GPM6B: variants seen among roughly 807,000 people sequenced by gnomAD.
The protein encoded by GPM6B is neuronal membrane glycoprotein M6-b.
GPM6B carries 4 observed loss-of-function variants against 27.2 expected under a neutral mutation model. The observed-to-expected ratio is 0.15, with a 90% CI of 0.07 to 0.34. The LOEUF (loss-of-function observed/expected upper bound fraction) is 0.34. Ranked by LOEUF, GPM6B falls within the 10% of genes least tolerant of loss-of-function variation. The pLI, the probability that GPM6B is intolerant of heterozygous loss-of-function variation, is 1.00. For synonymous variants in GPM6B, 124 were observed against 103.1 expected (o/e 1.20, Z -1.23); for missense variants, 183 against 261.9 (o/e 0.70, Z 2.08).
chrX:13,847,229 A>T (rs1349002451), intron 1 of GPM6B, among the ~76,000 whole-genome samples: 1 of 111,870 alleles, frequency 8.9e-6, no homozygotes, highest in Non-Finnish European at 1.9e-5. Flanking sequence ...CTGAACAGGA[A>T]AATTTGGCAG....
At chrX:13,779,401 A>T (rs1379519245) in intron 5 of GPM6B, among the ~76,000 whole-genome samples, 2 of 112,585 alleles carry the variant, frequency 1.8e-5, no homozygotes, top group East Asian at 5.5e-4. Context: ...ACCAGATTTG[A>T]GGAGTTGGAT....
chrX:13,936,226 T>G (rs1274891082), intron 1 of GPM6B, among the ~76,000 whole-genome samples: 2 of 112,299 alleles, frequency 1.8e-5, no homozygotes, highest in Non-Finnish European at 3.8e-5. Flanking sequence ...AAAACTGGCT[T>G]AACAATGAAA....
chrX:13,788,506 T>C (rs1393404542), intron 2 of GPM6B, among the ~76,000 whole-genome samples: 2 of 108,868 alleles, frequency 1.8e-5, no homozygotes. Flanking sequence ...GACACTGATA[T>C]ATAACCAGAT....
At chrX:13,776,091 T>C in intron 7 of GPM6B, 147 bp downstream of exon 7, 1 of 499,624 alleles carries the variant, frequency 2.0e-6, no homozygotes, top group Non-Finnish European at 3.6e-6. Flanking sequence ...AAACTACATG[T>C]GGTAAGTTAA....
intron 7 of GPM6B, 184 bp downstream of exon 7, chrX:13,776,054 C>G: frequency 4.5e-6 from 2 of 449,186 alleles, no homozygotes; most frequent in South Asian, 7.4e-5. Flanking sequence ...ACAATCAGTG[C>G]CAAGGCAACC....
At chrX:13,783,588 G>A (rs746184356) in intron 3 of GPM6B, 67 bp from the exon 4 acceptor site, 4 of 902,929 alleles carry the variant, frequency 4.4e-6, no homozygotes, top group South Asian at 2.4e-5. Context: ...GTTTCTGGAC[G>A]CTGGAGAGAG....
chrX:13,803,770 C>T (rs1039194653), intron 2 of GPM6B, among the ~76,000 whole-genome samples: 8 of 111,557 alleles, frequency 7.2e-5, no homozygotes, highest in African/African-American at 2.3e-4. Context: ...CACAAAGAAA[C>T]AAACCTTTCT....
chrX:13,876,074 C>T (rs1394143741), intron 1 of GPM6B, among the ~76,000 whole-genome samples: 1 of 112,081 alleles, frequency 8.9e-6, no homozygotes, highest in South Asian at 3.7e-4. Context: ...ACAAGAACAA[C>T]GATGAAAAAG....
At chrX:13,931,353 T>C (rs954526029) in intron 1 of GPM6B, among the ~76,000 whole-genome samples, 5 of 109,025 alleles carry the variant, frequency 4.6e-5, no homozygotes, top group African/African-American at 1.7e-4. Flanking sequence ...CCGGGCATGG[T>C]GGTGGGCGCC....
intron 1 of GPM6B, among the ~76,000 whole-genome samples, chrX:13,917,554 C>A (rs1249779326): frequency 8.9e-6 from 1 of 112,023 alleles, no homozygotes; most frequent in Admixed American, 9.5e-5. Flanking sequence ...GTCTCCTTGA[C>A]CCTAAAGATA....
At chrX:13,931,045 A>G (rs1324580457) in intron 1 of GPM6B, among the ~76,000 whole-genome samples, 1 of 111,278 alleles carries the variant, frequency 9.0e-6, no homozygotes, top group Non-Finnish European at 1.9e-5. Flanking sequence ...TTAGCCAGGC[A>G]TGGTGGTGCA....
intron 1 of GPM6B, among the ~76,000 whole-genome samples, chrX:13,906,483 A>AT (rs746863244): frequency 9.0e-6 from 1 of 111,651 alleles, no homozygotes; most frequent in South Asian, 3.7e-4. Flanking sequence ...GATTTGATAC[A>AT]TTTTTTCTTT....
chrX:13,840,502 T>TA (rs1349129772), intron 1 of GPM6B, among the ~76,000 whole-genome samples: 2 of 111,689 alleles, frequency 1.8e-5, no homozygotes, highest in Non-Finnish European at 3.8e-5. Flanking sequence ...AATATATTTT[T>TA]AAAAATACTG....
chrX:13,909,842 A>C (rs12012688), intron 1 of GPM6B, among the ~76,000 whole-genome samples: 15,336 of 111,204 alleles, frequency 0.14, 817 homozygotes, highest in Admixed American at 0.19. Context: ...CAGTCAACCA[A>C]AACTTCCATG....
intron 1 of GPM6B, among the ~76,000 whole-genome samples, chrX:13,865,201 C>T (rs567203535): frequency 3.6e-5 from 4 of 110,414 alleles, no homozygotes; most frequent in African/African-American, 1.3e-4. Flanking sequence ...TGAACAGGCT[C>T]CACAACTTGG....
chrX:13,821,131 C>G (rs367979861), upstream of GPM6B, among the ~76,000 whole-genome samples: 1 of 111,223 alleles, frequency 9.0e-6, no homozygotes, highest in African/African-American at 3.3e-5. Context: ...AGGAGTTTTA[C>G]CACCAAATAG....
intron 1 of GPM6B, among the ~76,000 whole-genome samples, chrX:13,865,542 CA>C (rs1171503867): frequency 1.6e-3 from 23 of 14,623 alleles, no homozygotes; most frequent in Admixed American, 4.4e-3. Flanking sequence ...TCCATCTCTT[CA>C]AAAAAAAAAA....
chrX:13,775,913 C>T (rs767169969), intron 7 of GPM6B, among the ~76,000 whole-genome samples: 1 of 112,509 alleles, frequency 8.9e-6, no homozygotes, highest in African/African-American at 3.2e-5. Context: ...GGTAATGCCT[C>T]ACGTGAGCAT....
chrX:13,853,328 GCA>G (rs1294324144), intron 1 of GPM6B, among the ~76,000 whole-genome samples: 1 of 110,809 alleles, frequency 9.0e-6, no homozygotes, highest in Non-Finnish European at 1.9e-5. Flanking sequence ...CACAAGCTGG[GCA>G]CAGTGGCTCA....
Sources: gnomAD v4.1 joint callset for allele counts (sites outside exome capture counted in the v4.1 genomes callset) on GRCh38, gnomAD v4.1.1 for gene constraint, MANE v1.5 for transcripts, NCBI Gene and HGNC (gene_info 2026-07-23, HGNC 2026-07-21) for gene names.